Variants in SAMD4A observed in about 807,000 individuals in gnomAD.
The protein encoded by SAMD4A is sterile alpha motif domain containing 4A.
In SAMD4A, 33 loss-of-function variants were observed where a neutral mutation model predicts 81.3. The observed-to-expected ratio is 0.41, with a 90% CI of 0.31 to 0.54. The LOEUF (loss-of-function observed/expected upper bound fraction) is 0.54, where lower values mean the gene tolerates loss of function less well. SAMD4A is among the 20% of genes least tolerant of loss of function. SAMD4A has a pLI of 0.37. For missense variants in SAMD4A, 854 were observed against 951.1 expected (o/e 0.90, Z 1.34); for synonymous variants, 389 against 382.1 (o/e 1.02, Z -0.21).
At chr14:54,692,148 T>G (rs1191603514) in intron 2 of SAMD4A, among the ~76,000 whole-genome samples, 1 of 152,188 alleles carries the variant, frequency 6.6e-6, no homozygotes, top group East Asian at 1.9e-4. Context: ...TTGAGCAACT[T>G]CCTCGTTATT....
At chr14:54,609,186 C>G (rs1188573837) in intron 2 of SAMD4A, among the ~76,000 whole-genome samples, 1 of 152,148 alleles carries the variant, frequency 6.6e-6, no homozygotes, top group African/African-American at 2.4e-5. Flanking sequence ...TCAATGTAAT[C>G]ACAGCGCCTT....
In SAMD4A at chr14:54,774,964, G is replaced by A. The variant is rs139601106; in HGVS notation, c.1746G>A (p.Pro582=). 9.7e-4 allele frequency: 1,561 copies of A among 1,614,160 alleles called. 3 individuals carry two copies. Among genetic ancestry groups the A allele is most frequent in the African/African-American group, 9.6e-3 (723 of 75,040 alleles). ...GCTTTGGGCAATCCAACTCCCTCCC[G>A]ACGGCTGGCTCTGTGGGCGGTGGCA... is the stretch of plus-strand genomic sequence containing the variant. ...NRGFGQSNSL[P]TAGSVGGGMG... is the part of the protein sequence containing the mutation. Residue 582 remains proline, a synonymous_variant, in exon 10 of 13, where the codon CCG becomes CCA. Transcript: ENST00000554335.
chr14:54,657,148 C>G (rs895047778), intron 2 of SAMD4A, among the ~76,000 whole-genome samples: 2 of 152,126 alleles, frequency 1.3e-5, no homozygotes, highest in Non-Finnish European at 2.9e-5. Context: ...TCACTAAACT[C>G]ACAGTGATAA....
At chr14:54,705,521 C>T (rs1023744844) in intron 3 of SAMD4A, among the ~76,000 whole-genome samples, 1 of 152,224 alleles carries the variant, frequency 6.6e-6, no homozygotes, top group African/African-American at 2.4e-5. Context: ...TTATCAGCCA[C>T]GTTAATGATG....
At chr14:54,640,979 T>C (rs1402537088) in intron 2 of SAMD4A, among the ~76,000 whole-genome samples, 1 of 152,198 alleles carries the variant, frequency 6.6e-6, no homozygotes, top group East Asian at 1.9e-4. Flanking sequence ...TCATTCCACC[T>C]CCTGCTCTTG....
intron 2 of SAMD4A, among the ~76,000 whole-genome samples, chr14:54,581,616 C>A (rs759016970): frequency 1.3e-5 from 2 of 152,310 alleles, no homozygotes; most frequent in African/African-American, 4.8e-5. Context: ...TTGGAGAAAG[C>A]CACATAAAGT....
chr14:54,579,850 A>G (rs777544250), intron 2 of SAMD4A, among the ~76,000 whole-genome samples: 14 of 152,210 alleles, frequency 9.2e-5, no homozygotes, highest in Non-Finnish European at 1.2e-4. Flanking sequence ...TGACTTTGAC[A>G]AACTAGGAAG....
chr14:54,598,456 A>G (rs937296093), intron 2 of SAMD4A, among the ~76,000 whole-genome samples: 2 of 152,212 alleles, frequency 1.3e-5, no homozygotes, highest in African/African-American at 4.8e-5. Flanking sequence ...AGCTAATCCT[A>G]TGAACACATC....
chr14:54,588,347 C>T (rs550731230), intron 2 of SAMD4A, among the ~76,000 whole-genome samples: 37 of 151,514 alleles, frequency 2.4e-4, no homozygotes, highest in Middle Eastern at 3.4e-3. Flanking sequence ...TTTCATTTAT[C>T]TTTTGTATTT....
chr14:54,783,160 A>T (rs1423809359), intron 11 of SAMD4A, among the ~76,000 whole-genome samples: 1 of 151,250 alleles, frequency 6.6e-6, no homozygotes, highest in Non-Finnish European at 1.5e-5. Context: ...AAAACTTTAA[A>T]AAAAAAAAAA....
chr14:54,786,106 G>A (rs908916172), intron 12 of SAMD4A, among the ~76,000 whole-genome samples: 3 of 152,198 alleles, frequency 2.0e-5, no homozygotes, highest in Non-Finnish European at 2.9e-5. Flanking sequence ...ACCAAAGGAT[G>A]AACATGGCTC....
At chr14:54,786,839 T>C (rs2039153494) in intron 12 of SAMD4A, among the ~76,000 whole-genome samples, 1 of 152,266 alleles carries the variant, frequency 6.6e-6, no homozygotes, top group African/African-American at 2.4e-5. Context: ...AAAACCTCTC[T>C]GAACCGATGG....
intron 2 of SAMD4A, among the ~76,000 whole-genome samples, chr14:54,667,034 C>T (rs2035772956): frequency 6.6e-6 from 1 of 151,824 alleles, no homozygotes; most frequent in African/African-American, 2.4e-5. Context: ...AACTTCTCAC[C>T]TTTTGTGCAA....
intron 2 of SAMD4A, among the ~76,000 whole-genome samples, chr14:54,571,106 C>T (rs2033115932): frequency 2.0e-5 from 3 of 152,040 alleles, no homozygotes; most frequent in South Asian, 2.1e-4. Flanking sequence ...AGTGAGATAT[C>T]CTGCGCATTA....
intron 2 of SAMD4A, among the ~76,000 whole-genome samples, chr14:54,578,719 T>TA (rs1253183959): frequency 5.9e-5 from 9 of 151,996 alleles, no homozygotes; most frequent in African/African-American, 2.2e-4. Flanking sequence ...CTTAAAAAAA[T>TA]AAAAAATAAA....
At chr14:54,578,267 T>C (rs1226278207) in intron 2 of SAMD4A, among the ~76,000 whole-genome samples, 1 of 152,160 alleles carries the variant, frequency 6.6e-6, no homozygotes, top group African/African-American at 2.4e-5. Context: ...CTTGGATGAC[T>C]TCCAAAGTCC....
At chr14:54,711,494 A>G (rs762363337) in intron 3 of SAMD4A, among the ~76,000 whole-genome samples, 2 of 152,194 alleles carry the variant, frequency 1.3e-5, no homozygotes, top group Non-Finnish European at 1.5e-5. Flanking sequence ...TTGATAATGC[A>G]CTATTGATAC....
intron 3 of SAMD4A, among the ~76,000 whole-genome samples, chr14:54,732,767 G>A (rs1467816480): frequency 1.3e-5 from 2 of 152,114 alleles, no homozygotes; most frequent in African/African-American, 4.8e-5. Context: ...ATGAACCAAG[G>A]AGATAGTTGG....
intron 2 of SAMD4A, among the ~76,000 whole-genome samples, chr14:54,627,552 A>C (rs573209619): frequency 2.0e-4 from 31 of 152,362 alleles, no homozygotes; most frequent in African/African-American, 7.2e-4. Context: ...GAATGTGGAC[A>C]GGAAAACAGT....
Sources: allele counts gnomAD v4.1 joint callset (sites outside exome capture counted in the v4.1 genomes callset), GRCh38; gene constraint gnomAD v4.1.1; transcripts MANE v1.5; gene names NCBI Gene and HGNC (gene_info 2026-07-23, HGNC 2026-07-21).